Variants in MPP7 observed in about 807,000 individuals in gnomAD.
MPP7 encodes the protein MAGUK p55 subfamily member 7.
Under a neutral mutation model 76.5 loss-of-function variants are expected in MPP7, and 60 were observed. That is an observed-to-expected ratio of 0.78 (90% CI 0.64 to 0.97). The LOEUF (loss-of-function observed/expected upper bound fraction) is 0.97, where lower values mean the gene tolerates loss of function less well. MPP7 is among the 50% of genes least tolerant of loss of function. The pLI is 0.00. For missense variants in MPP7, 641 were observed against 694.0 expected (o/e 0.92, Z 0.86); for synonymous variants, 237 against 244.5 (o/e 0.97, Z 0.29).
chr10:28,286,358 TAATAAAAAATAAA>T (rs1840791489), intron 1 of MPP7, among the ~76,000 whole-genome samples: 4 of 151,236 alleles, frequency 2.6e-5, no homozygotes, highest in Non-Finnish European at 5.9e-5. Flanking sequence ...AAAAAAATAA[TAATAAAAAATAAA>T]AAAATAAAAA....
chr10:28,242,269 A>C (rs1325770461), intron 1 of MPP7, among the ~76,000 whole-genome samples: 1 of 152,230 alleles, frequency 6.6e-6, no homozygotes, highest in Non-Finnish European at 1.5e-5. Flanking sequence ...CCAACTGTAG[A>C]TTATTTCACC....
chr10:28,162,030 A>C (rs1038553197), intron 3 of MPP7, among the ~76,000 whole-genome samples: 2 of 152,236 alleles, frequency 1.3e-5, no homozygotes, highest in Non-Finnish European at 2.9e-5. Flanking sequence ...CAAATCTGTC[A>C]AATTCTACTA....
chr10:28,071,192 C>T (rs1588722435), intron 12 of MPP7, among the ~76,000 whole-genome samples: 1 of 152,228 alleles, frequency 6.6e-6, no homozygotes, highest in Non-Finnish European at 1.5e-5. Context: ...CACTGCCTTG[C>T]CTATGTCTTC....
At chr10:28,112,167 C>T (rs879375768) in intron 11 of MPP7, among the ~76,000 whole-genome samples, 5 of 152,082 alleles carry the variant, frequency 3.3e-5, no homozygotes, top group East Asian at 1.9e-4. Context: ...ACCTGTCATG[C>T]GCATCTAAAG....
intron 1 of MPP7, among the ~76,000 whole-genome samples, chr10:28,249,536 C>T (rs1421067289): frequency 6.6e-6 from 1 of 152,182 alleles, no homozygotes; most frequent in Admixed American, 6.5e-5. Flanking sequence ...GTGTAGTGAG[C>T]TGAGATCCAC....
intron 3 of MPP7, among the ~76,000 whole-genome samples, chr10:28,176,407 C>A (rs1836862748): frequency 6.6e-6 from 1 of 152,082 alleles, no homozygotes; most frequent in African/African-American, 2.4e-5. Flanking sequence ...CTCCCAATGG[C>A]CAAAGCTGGG....
At position 28,054,101 on chromosome 10, in the gene MPP7, C is replaced by T; in HGVS notation, c.1695G>A (p.Glu565=). 1 of 1,613,878 alleles carries T rather than the reference C, an allele frequency of 6.2e-7. No individual in the cohort carries two copies. Among genetic ancestry groups the T allele is most frequent in the African/African-American group, 1.3e-5 (1 of 75,024 alleles). ...ACCAGCTCACTGGCACCCAATGGGT[C>T]TCTGTCTCTAATTTGTCAAAAGTTG... ...LKTTFDKLET[E]THWVPVSWLH... is the part of the protein sequence containing the mutation. Residue 565 remains glutamate (E), a synonymous_variant, in exon 17 of 17, where the codon GAG becomes GAA. Coordinates refer to ENST00000683449, the MANE Select transcript of MPP7 (RefSeq NM_001318170.2).
At chr10:28,120,740 G>T in intron 8 of MPP7, 72 bp from the exon 9 acceptor site, 1 of 1,184,410 alleles carries the variant, frequency 8.4e-7, no homozygotes, top group Non-Finnish European at 1.2e-6. Context: ...TAGGTAGAAA[G>T]TGAAATGCAT....
At chr10:28,240,505 C>T (rs1839232664) in intron 1 of MPP7, among the ~76,000 whole-genome samples, 1 of 152,058 alleles carries the variant, frequency 6.6e-6, no homozygotes, top group Non-Finnish European at 1.5e-5. Flanking sequence ...CAAAGGCTGA[C>T]ATAGTTAAAA....
chr10:28,279,692 G>A (rs954937675), intron 1 of MPP7, among the ~76,000 whole-genome samples: 20 of 150,072 alleles, frequency 1.3e-4, no homozygotes, highest in African/African-American at 4.4e-4. Flanking sequence ...GTGACAGAGC[G>A]AGACGCTGTC....
chr10:28,105,396 T>C (rs1191156009), intron 11 of MPP7, among the ~76,000 whole-genome samples: 2 of 152,166 alleles, frequency 1.3e-5, no homozygotes, highest in African/African-American at 4.8e-5. Context: ...GTTAGGAGAA[T>C]GGTAACTGAC....
At position 28,119,687 on chromosome 10, in the gene MPP7, A is replaced by T. The variant is rs200096291; in HGVS notation, c.916T>A (p.Leu306Met). ...TTGGAAACTTTCAGGGGCTGAACCAATATTTCTGGTCGTCTCAAAGCCAAT... is the reference window on the plus strand; with the variant it reads ...TTGGAAACTTTCAGGGGCTGAACCATTATTTCTGGTCGTCTCAAAGCCAAT... The part of the protein sequence containing the change: ...RRLALRRPEI[L>M]VQPLKVSNRK... Residue 306 changes from leucine (L) to methionine (M), a missense_variant, in exon 11 of 17, where the codon TTG (leucine) becomes ATG (methionine). Coordinates refer to ENST00000683449, the MANE Select transcript of MPP7 (RefSeq NM_001318170.2). 61 of 1,613,662 alleles carry T rather than the reference A, an allele frequency of 3.8e-5. No homozygotes were observed. The highest frequency in any genetic ancestry group is 3.3e-4 in the Middle Eastern group (2 of 6,078).
chr10:28,072,889 A>G (rs770641262), intron 12 of MPP7, among the ~76,000 whole-genome samples: 10 of 152,088 alleles, frequency 6.6e-5, no homozygotes, highest in Non-Finnish European at 1.2e-4. Flanking sequence ...TAATGTCTTC[A>G]TCTCTCTTAC....
chr10:28,331,240 T>C (rs1175821468), intron 1 of MPP7, among the ~76,000 whole-genome samples: 3 of 152,184 alleles, frequency 2.0e-5, no homozygotes, highest in East Asian at 1.9e-4. Context: ...TGGCTACTCA[T>C]TGAGTGGGTC....
chr10:28,223,874 C>T (rs550353084), intron 2 of MPP7, among the ~76,000 whole-genome samples: 28 of 150,532 alleles, frequency 1.9e-4, no homozygotes, highest in Middle Eastern at 3.4e-3. Flanking sequence ...TGGTCTTTAT[C>T]TTGGATGCCA....
chr10:28,061,495 A>AAAC (rs760494071), intron 13 of MPP7, among the ~76,000 whole-genome samples: 13 of 152,090 alleles, frequency 8.5e-5, no homozygotes, highest in South Asian at 8.3e-4. Context: ...TATATAATCT[A>AAAC]AACAACAACA....
intron 11 of MPP7, among the ~76,000 whole-genome samples, chr10:28,092,432 G>A (rs1853350985): frequency 6.6e-6 from 1 of 152,252 alleles, no homozygotes; most frequent in South Asian, 2.1e-4. Context: ...CCTAGGATGA[G>A]AAAAAGAGGT....
intron 5 of MPP7, among the ~76,000 whole-genome samples, chr10:28,140,848 T>C (rs1438977712): frequency 1.3e-5 from 2 of 152,150 alleles, no homozygotes; most frequent in African/African-American, 4.8e-5. Flanking sequence ...TGGAACCAAA[T>C]GAAGGGTTGT....
chr10:28,321,571 T>A (rs1834369309), intron 2 of MPP7, among the ~76,000 whole-genome samples: 1 of 152,102 alleles, frequency 6.6e-6, no homozygotes, highest in South Asian at 2.1e-4. Context: ...GATTAGGGTA[T>A]TTTTTAATAG....
Sources: allele counts gnomAD v4.1 joint callset (sites outside exome capture counted in the v4.1 genomes callset), GRCh38; gene constraint gnomAD v4.1.1; transcripts MANE v1.5; gene names NCBI Gene and HGNC (gene_info 2026-07-23, HGNC 2026-07-21).